RBFOX1: variants seen among roughly 807,000 people sequenced by gnomAD.
RBFOX1 encodes the protein RNA binding protein fox-1 homolog 1.
Under a neutral mutation model 57.7 loss-of-function variants are expected in RBFOX1, and 8 were observed. The observed-to-expected ratio is 0.14, with a 90% CI of 0.08 to 0.25. The LOEUF (loss-of-function observed/expected upper bound fraction) is 0.25. Ranked by LOEUF, RBFOX1 falls within the 10% of genes least tolerant of loss-of-function variation. RBFOX1 has a pLI of 1.00. For synonymous variants in RBFOX1, 326 were observed against 222.4 expected, an observed-to-expected ratio of 1.47 and a Z score of -4.15; for missense variants, 611 against 548.5, an observed-to-expected ratio of 1.11 and a Z score of -1.14.
At chr16:6,917,938 C>T (rs563872476) in intron 3 of RBFOX1, among the ~76,000 whole-genome samples, 1 of 152,142 alleles carries the variant, frequency 6.6e-6, no homozygotes, top group Non-Finnish European at 1.5e-5. Flanking sequence ...GGTGTTCTTA[C>T]TCAACCTAAG....
At chr16:6,549,486 G>A (rs1446230497) in intron 2 of RBFOX1, among the ~76,000 whole-genome samples, 1 of 94,950 alleles carries the variant, frequency 1.1e-5, no homozygotes, top group Non-Finnish European at 2.1e-5. Context: ...AGGAGGAGGG[G>A]AAGAGGAAGA....
At chr16:7,613,375 T>G (rs2057892358) in intron 10 of RBFOX1, among the ~76,000 whole-genome samples, 1 of 152,166 alleles carries the variant, frequency 6.6e-6, no homozygotes, top group African/African-American at 2.4e-5. Flanking sequence ...TCAGATAATA[T>G]GAGCATCAGA....
At chr16:6,252,236 T>C (rs545635933) in intron 1 of RBFOX1, among the ~76,000 whole-genome samples, 78 of 152,164 alleles carry the variant, frequency 5.1e-4, no homozygotes, top group Non-Finnish European at 6.9e-4. Context: ...ATTTCTTCTC[T>C]CAATACGCCC....
intron 3 of RBFOX1, among the ~76,000 whole-genome samples, chr16:5,671,287 G>C (rs2050005022): frequency 6.6e-6 from 1 of 152,198 alleles, no homozygotes; most frequent in South Asian, 2.1e-4. Flanking sequence ...TGAAATCTAA[G>C]AGCAAGGAGG....
chr16:5,248,844 C>A (rs1401265197), intron 1 of RBFOX1, among the ~76,000 whole-genome samples: 1 of 152,028 alleles, frequency 6.6e-6, no homozygotes, highest in Non-Finnish European at 1.5e-5. Flanking sequence ...CAATAATTAG[C>A]TGGGCGATGT....
intron 4 of RBFOX1, among the ~76,000 whole-genome samples, chr16:5,962,642 T>C (rs898309340): frequency 1.3e-5 from 2 of 152,174 alleles, no homozygotes; most frequent in East Asian, 3.8e-4. Context: ...TATGATGATA[T>C]GTAAAGCACT....
At chr16:5,551,591 G>C (rs1398528285) in intron 2 of RBFOX1, among the ~76,000 whole-genome samples, 1 of 152,180 alleles carries the variant, frequency 6.6e-6, no homozygotes, top group Non-Finnish European at 1.5e-5. Context: ...CTTGCTTTCA[G>C]CACGGTGATT....
intron 4 of RBFOX1, among the ~76,000 whole-genome samples, chr16:7,118,111 G>C (rs533330164): frequency 6.6e-6 from 1 of 152,228 alleles, no homozygotes; most frequent in Admixed American, 6.5e-5. Context: ...GGATTAACTG[G>C]ATCAAATGGT....
At chr16:5,296,626 A>G (rs2063675485) in intron 1 of RBFOX1, among the ~76,000 whole-genome samples, 1 of 150,332 alleles carries the variant, frequency 6.7e-6, no homozygotes, top group Non-Finnish European at 1.5e-5. Context: ...GACATTTTGT[A>G]TTCTTTTCCC....
At chr16:5,842,519 T>C (rs1160958615) in intron 3 of RBFOX1, among the ~76,000 whole-genome samples, 1 of 152,216 alleles carries the variant, frequency 6.6e-6, no homozygotes, top group African/African-American at 2.4e-5. Flanking sequence ...AAGTGCATGC[T>C]GCAGGTGTTC....
chr16:6,623,309 A>C (rs903806294), intron 2 of RBFOX1, among the ~76,000 whole-genome samples: 2 of 152,172 alleles, frequency 1.3e-5, no homozygotes, highest in East Asian at 3.9e-4. Context: ...TGTTTCAGTG[A>C]CAGTGGGGAG....
At chr16:5,550,248 T>A (rs991483812) in intron 2 of RBFOX1, among the ~76,000 whole-genome samples, 1 of 152,160 alleles carries the variant, frequency 6.6e-6, no homozygotes, top group African/African-American at 2.4e-5. Context: ...AACTGTAGGA[T>A]CTCAAGAGCA....
intron 1 of RBFOX1, among the ~76,000 whole-genome samples, chr16:6,180,447 A>G (rs1008653331): frequency 2.0e-5 from 3 of 148,926 alleles, no homozygotes; most frequent in Non-Finnish European, 4.4e-5. Flanking sequence ...AATCCTTTCT[A>G]TTCTATAAAA....
intron 4 of RBFOX1, among the ~76,000 whole-genome samples, chr16:7,161,997 C>T (rs1345571466): frequency 6.6e-6 from 1 of 152,200 alleles, no homozygotes; most frequent in Non-Finnish European, 1.5e-5. Flanking sequence ...AGAACACAGC[C>T]AGCTAGTAAG....
chr16:6,477,439 G>C (rs2095291104), intron 2 of RBFOX1, among the ~76,000 whole-genome samples: 1 of 152,136 alleles, frequency 6.6e-6, no homozygotes, highest in Non-Finnish European at 1.5e-5. Flanking sequence ...GAGCTTTCCG[G>C]TGACCAGATG....
At chr16:6,100,565 A>G (rs977692710) in intron 1 of RBFOX1, among the ~76,000 whole-genome samples, 1 of 152,222 alleles carries the variant, frequency 6.6e-6, no homozygotes, top group African/African-American at 2.4e-5. Context: ...AGGTGCATTC[A>G]AAGTTCAAGA....
At chr16:7,407,585 G>C (rs1456058021) in intron 4 of RBFOX1, among the ~76,000 whole-genome samples, 2 of 152,118 alleles carry the variant, frequency 1.3e-5, no homozygotes, top group East Asian at 3.9e-4. Context: ...TTTTTGTAGG[G>C]AAGGTAAGAG....
At chr16:7,228,733 G>A (rs1040665580) in intron 4 of RBFOX1, among the ~76,000 whole-genome samples, 3 of 152,134 alleles carry the variant, frequency 2.0e-5, no homozygotes, top group Non-Finnish European at 2.9e-5. Flanking sequence ...TTAATTCCAA[G>A]GTGAAATGTG....
At chr16:5,658,818 A>C (rs1384359848) in intron 3 of RBFOX1, among the ~76,000 whole-genome samples, 2 of 143,222 alleles carry the variant, frequency 1.4e-5, no homozygotes, top group Non-Finnish European at 3.0e-5. Flanking sequence ...TGTATATATA[A>C]TATATGTATA....
Sources: allele counts gnomAD v4.1 joint callset (sites outside exome capture counted in the v4.1 genomes callset), GRCh38; gene constraint gnomAD v4.1.1; transcripts MANE v1.5; gene names NCBI Gene and HGNC (gene_info 2026-07-23, HGNC 2026-07-21).